Variants in ELMO1 observed in about 807,000 individuals in gnomAD.
ELMO1 encodes the protein engulfment and cell motility protein 1.
A neutral mutation model predicts 98.9 loss-of-function variants in ELMO1; 26 were observed. The observed-to-expected ratio is 0.26, with a 90% CI of 0.19 to 0.36. The LOEUF (loss-of-function observed/expected upper bound fraction) is 0.36, where lower values mean the gene tolerates loss of function less well. Ranked by LOEUF, ELMO1 falls within the 10% of genes least tolerant of loss-of-function variation. The pLI, the probability that ELMO1 is intolerant of heterozygous loss-of-function variation, is 1.00. For missense variants in ELMO1, 627 were observed against 935.2 expected (o/e 0.67, Z 4.30); for synonymous variants, 346 against 346.0 (o/e 1.00, Z 0.00).
At chr7:37,362,107 T>C (rs934497960) in intron 1 of ELMO1, among the ~76,000 whole-genome samples, 1 of 152,126 alleles carries the variant, frequency 6.6e-6, no homozygotes, top group African/African-American at 2.4e-5. Flanking sequence ...AAAATAAAGC[T>C]GTAAAATGGT....
At chr7:37,404,768 TG>T (rs906234636) in intron 1 of ELMO1, among the ~76,000 whole-genome samples, 64 of 152,208 alleles carry the variant, frequency 4.2e-4, no homozygotes, top group African/African-American at 1.5e-3. Flanking sequence ...TAGTTTTCTT[TG>T]GGGCTTGGAA....
chr7:37,191,229 A>G (rs1791556828), intron 13 of ELMO1, among the ~76,000 whole-genome samples: 1 of 151,822 alleles, frequency 6.6e-6, no homozygotes, highest in East Asian at 1.9e-4. Flanking sequence ...CTGGAAAGAT[A>G]TACATCAAAA....
intron 15 of ELMO1, among the ~76,000 whole-genome samples, chr7:37,055,547 G>A (rs1395735621): frequency 6.6e-6 from 1 of 152,162 alleles, no homozygotes; most frequent in South Asian, 2.1e-4. Context: ...ATGAAATGTG[G>A]TCACTTTTTG....
intron 5 of ELMO1, among the ~76,000 whole-genome samples, chr7:37,267,066 C>T (rs1454249248): frequency 1.3e-5 from 2 of 148,266 alleles, no homozygotes; most frequent in African/African-American, 5.0e-5. Context: ...CACACACACA[C>T]ACACACACAC....
intron 1 of ELMO1, among the ~76,000 whole-genome samples, chr7:37,391,180 G>A (rs769900087): frequency 5.3e-5 from 8 of 151,710 alleles, no homozygotes; most frequent in Non-Finnish European, 7.4e-5. Context: ...GTGGTGGCTC[G>A]ATCTCAGCTC....
intron 14 of ELMO1, among the ~76,000 whole-genome samples, chr7:37,124,389 T>A (rs1026285178): frequency 6.6e-6 from 1 of 152,168 alleles, no homozygotes; most frequent in Non-Finnish European, 1.5e-5. Context: ...GAAAACCCCA[T>A]CATCTCAGCC....
intron 15 of ELMO1, among the ~76,000 whole-genome samples, chr7:37,073,270 T>C (rs183405158): frequency 6.6e-6 from 1 of 152,300 alleles, no homozygotes; most frequent in East Asian, 1.9e-4. Context: ...AAGAAGTTAC[T>C]GATGATAATT....
At chr7:37,132,964 C>T in intron 14 of ELMO1, 166 bp downstream of exon 14, 1 of 446,696 alleles carries the variant, frequency 2.2e-6, no homozygotes, top group Non-Finnish European at 3.9e-6. Flanking sequence ...CATTTCAGTC[C>T]CCTGATTGAT....
At chr7:37,053,556 T>C (rs968613772) in intron 15 of ELMO1, among the ~76,000 whole-genome samples, 2 of 152,214 alleles carry the variant, frequency 1.3e-5, no homozygotes, top group African/African-American at 4.8e-5. Flanking sequence ...TACCTTCTTC[T>C]GGATGTGTTC....
intron 2 of ELMO1, among the ~76,000 whole-genome samples, chr7:37,337,564 G>A (rs1468935490): frequency 6.6e-6 from 1 of 151,820 alleles, no homozygotes; most frequent in African/African-American, 2.4e-5. Context: ...AGCATTGGGG[G>A]TTGGGATAAG....
intron 1 of ELMO1, among the ~76,000 whole-genome samples, chr7:37,415,481 G>A (rs1235726863): frequency 6.6e-6 from 1 of 152,152 alleles, no homozygotes; most frequent in Non-Finnish European, 1.5e-5. Flanking sequence ...TGTCGACTTG[G>A]CAAGTTTATT....
chr7:36,967,534 C>A (rs1789549403), intron 16 of ELMO1, among the ~76,000 whole-genome samples: 1 of 152,138 alleles, frequency 6.6e-6, no homozygotes, highest in South Asian at 2.1e-4. Flanking sequence ...AAACTTTGCA[C>A]TTCTGGCAAA....
intron 2 of ELMO1, among the ~76,000 whole-genome samples, chr7:37,316,975 T>C (rs1230616957): frequency 6.6e-6 from 1 of 152,184 alleles, no homozygotes; most frequent in Admixed American, 6.5e-5. Context: ...CGCAATTTTC[T>C]TCATTTGCTG....
chr7:37,031,400 A>G (rs1024726082), intron 15 of ELMO1, among the ~76,000 whole-genome samples: 3 of 152,176 alleles, frequency 2.0e-5, no homozygotes, highest in African/African-American at 7.2e-5. Context: ...AAAATAAGAC[A>G]ATAATGAAAA....
intron 14 of ELMO1, among the ~76,000 whole-genome samples, chr7:37,103,617 T>C (rs1251173231): frequency 6.6e-6 from 1 of 151,974 alleles, no homozygotes; most frequent in Non-Finnish European, 1.5e-5. Flanking sequence ...ACGTGGCACA[T>C]GTATACATAT....
intron 4 of ELMO1, among the ~76,000 whole-genome samples, chr7:37,295,628 C>G (rs866761276): frequency 1.1e-4 from 16 of 152,260 alleles, no homozygotes; most frequent in Middle Eastern, 6.8e-3. Flanking sequence ...CTTACAACAA[C>G]CAAAATGCAG....
At chr7:36,965,771 C>T (rs1789371329) in intron 16 of ELMO1, among the ~76,000 whole-genome samples, 3 of 152,112 alleles carry the variant, frequency 2.0e-5, no homozygotes, top group Admixed American at 2.0e-4. Context: ...ATTCCAAACA[C>T]ATCATTTCCT....
At chr7:36,998,210 A>G (rs1014608612) in intron 16 of ELMO1, among the ~76,000 whole-genome samples, 2 of 152,230 alleles carry the variant, frequency 1.3e-5, no homozygotes, top group African/African-American at 4.8e-5. Context: ...TCTCTTCTTC[A>G]TCAGAGCAGG....
At position 37,184,889 on chromosome 7, in the gene ELMO1, C is replaced by A. The variant is rs572930820; in HGVS notation, c.1086+26497G>T. ...ACGCCAGCTGGGACAAAAAGTGAGA[C>A]CCCGTCTCAAAAGAAAAAAAAAAGT... is the stretch of plus-strand genomic sequence containing the variant. On this transcript the variant is annotated intron_variant, in intron 13 of 21. Coordinates refer to ENST00000310758, the MANE Select transcript of ELMO1 (RefSeq NM_014800.11). Among the ~76,000 whole-genome samples the A allele has an allele frequency of 2.0e-5, 3 of 152,044 alleles. No homozygotes were observed. The South Asian group carries it at 6.2e-4, about 32-fold the overall frequency.
Sources: gnomAD v4.1 joint callset for allele counts (sites outside exome capture counted in the v4.1 genomes callset) on GRCh38, gnomAD v4.1.1 for gene constraint, MANE v1.5 for transcripts, NCBI Gene and HGNC (gene_info 2026-07-23, HGNC 2026-07-21) for gene names.